Variants in AMPH observed in about 807,000 individuals in gnomAD.
AMPH encodes amphiphysin (Stiff-Mann syndrome with breast cancer 128kD autoantigen).
AMPH carries 49 observed loss-of-function variants against 99.1 expected under a neutral mutation model. The ratio of observed to expected loss-of-function variants is 0.49; its 90% CI spans 0.39 to 0.63. The LOEUF (loss-of-function observed/expected upper bound fraction) is 0.63, where lower values mean the gene tolerates loss of function less well. AMPH is among the 20% of genes least tolerant of loss of function. AMPH has a pLI of 0.00. For missense variants in AMPH, 759 were observed against 863.4 expected, an observed-to-expected ratio of 0.88 and a Z score of 1.52; for synonymous variants, 314 against 317.3, an observed-to-expected ratio of 0.99 and a Z score of 0.11.
intron 11 of AMPH, among the ~76,000 whole-genome samples, chr7:38,451,284 T>C (rs535376247): frequency 7.3e-6 from 1 of 137,014 alleles, no homozygotes; most frequent in East Asian, 3.7e-4. Flanking sequence ...CATGTATATA[T>C]ACACATGCAC....
chr7:38,569,067 T>C (rs374793608), intron 1 of AMPH, among the ~76,000 whole-genome samples: 24 of 152,308 alleles, frequency 1.6e-4, no homozygotes, highest in East Asian at 9.6e-4. Flanking sequence ...TGTAACTATA[T>C]TGCCATTAGA....
intron 17 of AMPH, among the ~76,000 whole-genome samples, chr7:38,407,988 G>A (rs1446022413): frequency 6.6e-6 from 1 of 152,156 alleles, no homozygotes; most frequent in East Asian, 1.9e-4. Flanking sequence ...TGTATCTCAG[G>A]TGGTTTACAT....
intron 2 of AMPH, among the ~76,000 whole-genome samples, chr7:38,520,920 A>C (rs1197007522): frequency 6.6e-6 from 1 of 152,214 alleles, no homozygotes; most frequent in Non-Finnish European, 1.5e-5. Flanking sequence ...AGAGCATCTT[A>C]ATTCAAATCA....
At chr7:38,535,046 A>C (rs1222962851) in intron 1 of AMPH, 35 bp from the exon 2 acceptor site, 1 of 1,572,608 alleles carries the variant, frequency 6.4e-7, no homozygotes, top group African/African-American at 1.4e-5. Flanking sequence ...GTTTAATTTA[A>C]TAATGTTTTC....
At chr7:38,539,538 C>T (rs1291759374) in intron 1 of AMPH, among the ~76,000 whole-genome samples, 1 of 152,128 alleles carries the variant, frequency 6.6e-6, no homozygotes, top group African/African-American at 2.4e-5. Context: ...CACAGCCATT[C>T]CTCAGAAACA....
At chr7:38,472,831 T>G (rs1437970781) in intron 7 of AMPH, among the ~76,000 whole-genome samples, 1 of 152,144 alleles carries the variant, frequency 6.6e-6, no homozygotes, top group African/African-American at 2.4e-5. Context: ...AGGGGAAAGG[T>G]TTCTTTCCAA....
At chr7:38,569,463 C>CATT (rs1403332940) in intron 1 of AMPH, among the ~76,000 whole-genome samples, 90 of 151,748 alleles carry the variant, frequency 5.9e-4, no homozygotes, top group African/African-American at 2.0e-3. Flanking sequence ...CACCAACTCA[C>CATT]ATATGAAAAA....
intron 1 of AMPH, among the ~76,000 whole-genome samples, chr7:38,537,487 C>T (rs1341939308): frequency 1.3e-5 from 2 of 152,160 alleles, no homozygotes; most frequent in African/African-American, 4.8e-5. Flanking sequence ...GAAAATGTTA[C>T]ATGACCAGAA....
chr7:38,508,904 C>T (rs368532868), intron 2 of AMPH, among the ~76,000 whole-genome samples: 15 of 152,260 alleles, frequency 9.9e-5, no homozygotes, highest in African/African-American at 3.4e-4. Flanking sequence ...TAATCAGCAC[C>T]TTGATTAACA....
intron 11 of AMPH, among the ~76,000 whole-genome samples, chr7:38,452,171 G>T (rs1235765105): frequency 2.0e-5 from 3 of 151,812 alleles, no homozygotes; most frequent in Non-Finnish European, 4.4e-5. Flanking sequence ...GAGCTTCTGG[G>T]CAGGAATAAC....
intron 16 of AMPH, among the ~76,000 whole-genome samples, chr7:38,420,712 CA>C (rs1785553157): frequency 6.6e-6 from 1 of 152,060 alleles, no homozygotes; most frequent in African/African-American, 2.4e-5. Context: ...TAGTCACATC[CA>C]ATGTGGCCTT....
At chr7:38,555,800 T>G (rs893732362) in intron 1 of AMPH, among the ~76,000 whole-genome samples, 4 of 152,204 alleles carry the variant, frequency 2.6e-5, no homozygotes, top group African/African-American at 7.2e-5. Flanking sequence ...TCTCATAATT[T>G]GTAGTGTTTT....
chr7:38,392,018 C>A lies in AMPH; in HGVS notation c.1609-1G>T. 6.2e-7 allele frequency: 1 copy of A among 1,603,836 alleles called. No individual in the cohort carries two copies. Among genetic ancestry groups the A allele is most frequent in the South Asian group, 1.1e-5 (1 of 90,952 alleles). On this transcript the variant is annotated splice_acceptor_variant, in intron 18 of 20. Transcript: ENST00000356264. LOFTEE classifies it high-confidence loss of function. ...TGACCACCGAAGGAATGACCTTCTC[C>A]TGGGGGAAGAAAAACCGTGGCGATG...
Position 38,514,309 on chromosome 7 carries a change from G to A in AMPH, c.151-10605C>T, listed in dbSNP as rs1789654656. The stretch of plus-strand genomic sequence containing the variant: ...ATAGTTACCTGCTATTGTTTTAAAT[G>A]GGCCTCCACATGATATCATCTATCA... On this transcript the variant is annotated intron_variant, in intron 2 of 20. Transcript: ENST00000356264. 2.0e-5 allele frequency among the ~76,000 whole-genome samples: 3 copies of A among 152,092 alleles called. No homozygotes were observed. The South Asian group carries it at 6.2e-4, about 32-fold the overall frequency.
At chr7:38,583,457 C>T (rs1175780776) in intron 1 of AMPH, among the ~76,000 whole-genome samples, 1 of 152,070 alleles carries the variant, frequency 6.6e-6, no homozygotes, top group Non-Finnish European at 1.5e-5. Flanking sequence ...AATACTTAAA[C>T]TTGAAATAAT....
At chr7:38,448,243 C>CAA (rs1255123191) in intron 11 of AMPH, among the ~76,000 whole-genome samples, 2 of 152,146 alleles carry the variant, frequency 1.3e-5, no homozygotes, top group Non-Finnish European at 2.9e-5. Context: ...GGACAGGGTT[C>CAA]AAGTGCTTTA....
At chr7:38,434,737 T>A (rs1265349955) in intron 12 of AMPH, among the ~76,000 whole-genome samples, 2 of 89,646 alleles carry the variant, frequency 2.2e-5, no homozygotes, top group African/African-American at 6.3e-5. Flanking sequence ...AGACTCCATC[T>A]CAAAGAAAAA....
intron 11 of AMPH, among the ~76,000 whole-genome samples, chr7:38,454,767 T>C (rs780718270): frequency 5.3e-5 from 8 of 152,190 alleles, no homozygotes; most frequent in African/African-American, 1.4e-4. Flanking sequence ...TGAAATAATA[T>C]ATAAAGAGAT....
intron 11 of AMPH, among the ~76,000 whole-genome samples, chr7:38,456,391 T>C (rs73692388): frequency 0.057 from 8,646 of 152,244 alleles, 647 homozygotes; most frequent in East Asian, 0.36. Flanking sequence ...CCAGTGTCAA[T>C]GTAGCTTGAC....
Sources: allele counts gnomAD v4.1 joint callset (sites outside exome capture counted in the v4.1 genomes callset), GRCh38; gene constraint gnomAD v4.1.1; transcripts MANE v1.5; gene names NCBI Gene and HGNC (gene_info 2026-07-23, HGNC 2026-07-21).